TMTC2: variants seen among roughly 807,000 people sequenced by gnomAD.
TMTC2 encodes transmembrane O-mannosyltransferase targeting cadherins 2, also known as protein O-mannosyl-transferase TMTC2.
A neutral mutation model predicts 82.4 loss-of-function variants in TMTC2; 43 were observed. The observed-to-expected ratio is 0.52, with a 90% confidence interval of 0.41 to 0.67. The LOEUF is 0.67. Among genes scored for constraint, TMTC2 ranks in the 30% least tolerant of loss-of-function variants. TMTC2 has a pLI of 0.00. For synonymous variants in TMTC2, 408 were observed against 381.9 expected, an observed-to-expected ratio of 1.07 and a Z score of -0.80; for missense variants, 919 against 1,012.4, an observed-to-expected ratio of 0.91 and a Z score of 1.25.
intron 1 of TMTC2, among the ~76,000 whole-genome samples, chr12:82,705,285 G>T (rs892910514): frequency 6.6e-6 from 1 of 152,110 alleles, no homozygotes; most frequent in Admixed American, 6.6e-5. Context: ...CACCACTAAA[G>T]AACTTACTCG....
chr12:82,818,952 G>A (rs201685051), intron 1 of TMTC2, among the ~76,000 whole-genome samples: 2 of 151,216 alleles, frequency 1.3e-5, no homozygotes, highest in Non-Finnish European at 2.9e-5. Flanking sequence ...TTTTTTTTCT[G>A]TTTTTAAATT....
At chr12:82,729,333 CTG>C (rs1874639546) in intron 1 of TMTC2, among the ~76,000 whole-genome samples, 1 of 152,274 alleles carries the variant, frequency 6.6e-6, no homozygotes, top group Middle Eastern at 3.4e-3. Context: ...CCATGACACT[CTG>C]TATCTAGCTA....
chr12:82,827,465 A>G (rs1054141855), intron 1 of TMTC2, among the ~76,000 whole-genome samples: 2 of 152,158 alleles, frequency 1.3e-5, no homozygotes, highest in Non-Finnish European at 2.9e-5. Context: ...CTTTGCATCA[A>G]ATTATTACGG....
At chr12:82,949,915 G>A (rs1877254481) in intron 4 of TMTC2, among the ~76,000 whole-genome samples, 1 of 152,168 alleles carries the variant, frequency 6.6e-6, no homozygotes, top group African/African-American at 2.4e-5. Flanking sequence ...TGGTAAAATA[G>A]AGGTTGACTG....
At chr12:82,953,930 A>G (rs996395249) in intron 4 of TMTC2, among the ~76,000 whole-genome samples, 28 of 152,194 alleles carry the variant, frequency 1.8e-4, no homozygotes, top group Admixed American at 2.6e-4. Flanking sequence ...TTAGTTTAAA[A>G]TGAACATACT....
chr12:82,800,378 C>A (rs908738252), intron 1 of TMTC2, among the ~76,000 whole-genome samples: 1 of 152,158 alleles, frequency 6.6e-6, no homozygotes, highest in Non-Finnish European at 1.5e-5. Flanking sequence ...CTGTCTGCTA[C>A]AAGTCCTACG....
At chr12:82,888,564 A>T (rs1873223378) in intron 2 of TMTC2, among the ~76,000 whole-genome samples, 1 of 152,226 alleles carries the variant, frequency 6.6e-6, no homozygotes, top group Admixed American at 6.5e-5. Flanking sequence ...TTGGGACTAC[A>T]GGCTACTGTG....
At chr12:82,875,421 G>A (rs1477407280) in intron 2 of TMTC2, among the ~76,000 whole-genome samples, 2 of 150,442 alleles carry the variant, frequency 1.3e-5, no homozygotes, top group Non-Finnish European at 2.9e-5. Context: ...CCTTAGAGCA[G>A]TATGATTTGT....
chr12:83,010,565 C>G (rs1376091073), intron 8 of TMTC2, among the ~76,000 whole-genome samples: 1 of 152,112 alleles, frequency 6.6e-6, no homozygotes. Context: ...AGACTAATCT[C>G]CCATCTCCTC....
chr12:82,795,347 A>G (rs1878668326), intron 1 of TMTC2, among the ~76,000 whole-genome samples: 1 of 151,398 alleles, frequency 6.6e-6, no homozygotes, highest in African/African-American at 2.4e-5. Flanking sequence ...AAAAATTTAT[A>G]TGGTAAGACA....
chr12:82,829,112 T>C (rs1869608210), intron 1 of TMTC2, among the ~76,000 whole-genome samples: 1 of 152,186 alleles, frequency 6.6e-6, no homozygotes, highest in Non-Finnish European at 1.5e-5. Flanking sequence ...TAAAACACTT[T>C]TAATTTCCTG....
intron 4 of TMTC2, among the ~76,000 whole-genome samples, chr12:82,952,105 C>CT (rs1009071638): frequency 4.5e-4 from 69 of 152,050 alleles, no homozygotes; most frequent in African/African-American, 1.5e-3. Context: ...TCTCACTGAA[C>CT]TTTTTTTTCT....
chr12:82,947,487 C>T (rs538410371), intron 4 of TMTC2, among the ~76,000 whole-genome samples: 17 of 151,682 alleles, frequency 1.1e-4, no homozygotes, highest in African/African-American at 3.2e-4. Flanking sequence ...GGACTACAGG[C>T]GCCCGCCACC....
At chr12:83,010,759 A>G (rs1462913451) in intron 8 of TMTC2, among the ~76,000 whole-genome samples, 1 of 152,236 alleles carries the variant, frequency 6.6e-6, no homozygotes, top group Non-Finnish European at 1.5e-5. Context: ...GATATGCCAT[A>G]TATTTTTATT....
chr12:83,022,881 G>A (rs1437071007), intron 8 of TMTC2, among the ~76,000 whole-genome samples: 1 of 152,182 alleles, frequency 6.6e-6, no homozygotes, highest in Non-Finnish European at 1.5e-5. Context: ...TTGTGGTTTA[G>A]ATAATTTTCT....
chr12:82,918,383 C>T (rs1468850074), intron 3 of TMTC2, among the ~76,000 whole-genome samples: 1 of 152,144 alleles, frequency 6.6e-6, no homozygotes, highest in Non-Finnish European at 1.5e-5. Context: ...AGTAACTCAG[C>T]GTTGGTGGAA....
chr12:82,780,535 G>C (rs113804083), intron 1 of TMTC2, among the ~76,000 whole-genome samples: 1 of 151,878 alleles, frequency 6.6e-6, no homozygotes, highest in African/African-American at 2.4e-5. Flanking sequence ...TATTAAAAGC[G>C]TAAGTAATAT....
chr12:82,755,399 C>T (rs148480097), intron 1 of TMTC2, among the ~76,000 whole-genome samples: 1 of 152,284 alleles, frequency 6.6e-6, no homozygotes, highest in East Asian at 1.9e-4. Context: ...CCAACCCATG[C>T]TGCAATCAAA....
At chr12:82,889,975 C>G (rs1338348995) in intron 2 of TMTC2, among the ~76,000 whole-genome samples, 5 of 147,494 alleles carry the variant, frequency 3.4e-5, no homozygotes, top group Non-Finnish European at 6.0e-5. Context: ...AGGTAACTAA[C>G]TAGAGATTTC....
Sources: gnomAD v4.1 joint callset for allele counts (sites outside exome capture counted in the v4.1 genomes callset) on GRCh38, gnomAD v4.1.1 for gene constraint, MANE v1.5 for transcripts, NCBI Gene and HGNC (gene_info 2026-07-23, HGNC 2026-07-21) for gene names.